The following SH3RF3 variants were observed in gnomAD, a reference collection of about 807,000 sequenced individuals.
The protein encoded by SH3RF3 is SH3 domain containing ring finger 3.
A neutral mutation model predicts 66.3 loss-of-function variants in SH3RF3; 29 were observed. That is an observed-to-expected ratio of 0.44 (90% confidence interval 0.33 to 0.60). The LOEUF (loss-of-function observed/expected upper bound fraction) is 0.60, where lower values mean the gene tolerates loss of function less well. Ranked by LOEUF, SH3RF3 falls within the 20% of genes least tolerant of loss-of-function variation. SH3RF3 has a pLI of 0.04. For synonymous variants in SH3RF3, 583 were observed against 532.0 expected (o/e 1.10, Z -1.32); for missense variants, 1,194 against 1,190.9 (o/e 1.00, Z -0.04).
intron 3 of SH3RF3, among the ~76,000 whole-genome samples, chr2:109,378,276 C>A (rs923468721): frequency 7.9e-5 from 12 of 152,348 alleles, no homozygotes; most frequent in Middle Eastern, 3.4e-3. Context: ...TCTGCCTTCC[C>A]TCCTCCTTCC....
At chr2:109,445,377 A>T (rs1248107757) in intron 7 of SH3RF3, among the ~76,000 whole-genome samples, 1 of 152,250 alleles carries the variant, frequency 6.6e-6, no homozygotes, top group East Asian at 1.9e-4. Context: ...AAGCCTAAAC[A>T]TGCTGAACTT....
intron 1 of SH3RF3, among the ~76,000 whole-genome samples, chr2:109,279,027 T>G (rs7569406): frequency 0.36 from 54,998 of 152,090 alleles, 10,059 homozygotes; most frequent in South Asian, 0.43. Flanking sequence ...ATTTTGAAGT[T>G]ATCTTTCTTC....
At position 109,455,649 on chromosome 2, in the gene SH3RF3, C is replaced by T. The variant is rs560700250; in HGVS notation, c.2148+6160C>T. Among the ~76,000 whole-genome samples the T allele has an allele frequency of 5.3e-5, 8 of 152,328 alleles. No individual in the cohort carries two copies. In the South Asian group the frequency reaches 1.7e-3, roughly 32 times the overall value. On this transcript the variant is annotated intron_variant, in intron 8 of 9. Coordinates refer to ENST00000309415, the MANE Select transcript of SH3RF3 (RefSeq NM_001099289.3). ...CTCTTTTGAGTGGCCAGGCAGCTCT[C>T]TCTAAAGTGAAGAATCGCTGGCTTA...
At chr2:109,474,743 C>T (rs1019207194) in intron 8 of SH3RF3, among the ~76,000 whole-genome samples, 1 of 152,182 alleles carries the variant, frequency 6.6e-6, no homozygotes, top group African/African-American at 2.4e-5. Context: ...TGGGGCAGAG[C>T]CAGATGGATC....
intron 1 of SH3RF3, among the ~76,000 whole-genome samples, chr2:109,288,318 G>GT (rs1233950076): frequency 2.0e-5 from 3 of 152,214 alleles, no homozygotes; most frequent in Admixed American, 2.0e-4. Flanking sequence ...CAGGCATGGA[G>GT]TCCGGGGAGT....
chr2:109,422,120 A>C (rs961922377), intron 5 of SH3RF3, among the ~76,000 whole-genome samples: 2 of 152,192 alleles, frequency 1.3e-5, no homozygotes, highest in African/African-American at 4.8e-5. Flanking sequence ...CATTCTTCCC[A>C]AAATAGCCTC....
chr2:109,363,514 A>G (rs1683092724), intron 2 of SH3RF3, among the ~76,000 whole-genome samples: 1 of 152,188 alleles, frequency 6.6e-6, no homozygotes. Flanking sequence ...TAAGAATAGC[A>G]AAAATAAAAG....
intron 1 of SH3RF3, among the ~76,000 whole-genome samples, chr2:109,291,280 CTTTTTTT>C (rs11295870): frequency 5.8e-5 from 8 of 137,272 alleles, no homozygotes; most frequent in South Asian, 2.4e-4. Flanking sequence ...AGAGTAATCT[CTTTTTTT>C]TTTTTTTTTT....
intron 1 of SH3RF3, among the ~76,000 whole-genome samples, chr2:109,249,619 T>TTCTTTCTCTC (rs1438137976): frequency 1.4e-5 from 2 of 148,118 alleles, no homozygotes; most frequent in African/African-American, 5.1e-5. Flanking sequence ...TTCTTTCTCT[T>TTCTTTCTCTC]TCTTTCTCTC....
intron 1 of SH3RF3, among the ~76,000 whole-genome samples, chr2:109,212,937 A>G (rs1174886534): frequency 2.0e-5 from 3 of 152,154 alleles, no homozygotes; most frequent in Non-Finnish European, 4.4e-5. Flanking sequence ...GATGATTGGA[A>G]TATAGTGGAT....
rs1394783032 is a variant in SH3RF3, at chr2:109,170,304, CT to C, written c.573+40193del. ...CTTCTCTTCTCTTCTCTTCTCTTCTCTTCTCTTCTCTCCTCTCTCTCTCTCC... is the reference window on the plus strand; with the variant it reads ...CTTCTCTTCTCTTCTCTTCTCTTCTCTCTCTTCTCTCCTCTCTCTCTCTCC... On this transcript the variant is annotated intron_variant, in intron 1 of 9. Coordinates refer to ENST00000309415, the MANE Select transcript of SH3RF3 (RefSeq NM_001099289.3). Among the ~76,000 whole-genome samples the C allele has an allele frequency of 1.0e-3, 121 of 117,118 alleles. 4 individuals carry two copies. In the East Asian group the frequency reaches 0.013, roughly 13 times the overall value. The allele number at this position is 117,118 out of a possible 152,430, so 76.8% of individuals were successfully genotyped here.
intron 1 of SH3RF3, among the ~76,000 whole-genome samples, chr2:109,192,256 T>G (rs1287479724): frequency 6.6e-6 from 1 of 152,220 alleles, no homozygotes; most frequent in Non-Finnish European, 1.5e-5. Context: ...TCCCTGGCAC[T>G]GCAGCTCATG....
Position 109,146,327 on chromosome 2 carries a change from C to T in SH3RF3, c.573+16214C>T, listed in dbSNP as rs1303059468. 2.0e-5 allele frequency among the ~76,000 whole-genome samples: 3 copies of T among 152,124 alleles called. No individual in the cohort carries two copies. The East Asian group carries it at 5.8e-4, about 29-fold the overall frequency. ...GGGACAAATTGCCAAAGGGATCATT[C>T]CAGCTTCCCAAAGGTGGCCAGGGCC... is the stretch of plus-strand genomic sequence containing the variant. On this transcript the variant is annotated intron_variant, in intron 1 of 9. Transcript: ENST00000309415.
intron 6 of SH3RF3, among the ~76,000 whole-genome samples, chr2:109,435,166 G>C (rs1677364422): frequency 6.6e-6 from 1 of 152,224 alleles, no homozygotes; most frequent in Non-Finnish European, 1.5e-5. Flanking sequence ...CCTTAGAGAA[G>C]GAACTGCGCC....
intron 1 of SH3RF3, among the ~76,000 whole-genome samples, chr2:109,279,033 T>C (rs1227133765): frequency 5.3e-5 from 8 of 152,222 alleles, no homozygotes; most frequent in Non-Finnish European, 1.2e-4. Context: ...AAGTTATCTT[T>C]CTTCCAGGGT....
At chr2:109,208,642 C>CT (rs1259545014) in intron 1 of SH3RF3, among the ~76,000 whole-genome samples, 1 of 152,108 alleles carries the variant, frequency 6.6e-6, no homozygotes, top group Non-Finnish European at 1.5e-5. Flanking sequence ...TTTTAATACA[C>CT]TAAGTTTGGA....
intron 1 of SH3RF3, among the ~76,000 whole-genome samples, chr2:109,262,897 A>AT (rs1558989155): frequency 6.6e-6 from 1 of 152,016 alleles, no homozygotes; most frequent in African/African-American, 2.4e-5. Context: ...CAGTGGCATG[A>AT]TCTTGGCTCA....
At chr2:109,185,886 C>T (rs565902712) in intron 1 of SH3RF3, among the ~76,000 whole-genome samples, 56 of 152,348 alleles carry the variant, frequency 3.7e-4, no homozygotes, top group African/African-American at 1.3e-3. Context: ...GGGGCCAAGT[C>T]GGGTGGTGTG....
At chr2:109,227,060 A>G (rs955373007) in intron 1 of SH3RF3, among the ~76,000 whole-genome samples, 1 of 152,092 alleles carries the variant, frequency 6.6e-6, no homozygotes, top group East Asian at 1.9e-4. Context: ...CATAGGTGCA[A>G]GAGGGCTTTA....
Sources: gnomAD v4.1 joint callset for allele counts (sites outside exome capture counted in the v4.1 genomes callset) on GRCh38, gnomAD v4.1.1 for gene constraint, MANE v1.5 for transcripts, NCBI Gene and HGNC (gene_info 2026-07-23, HGNC 2026-07-21) for gene names.